ALPK1: variants seen among roughly 807,000 people sequenced by gnomAD.
ALPK1 encodes alpha kinase 1, also known as alpha-protein kinase 1.
ALPK1 carries 110 observed loss-of-function variants against 120.6 expected under a neutral mutation model. The ratio of observed to expected loss-of-function variants is 0.91; its 90% CI spans 0.78 to 1.07. The LOEUF is 1.07. Ranked by LOEUF, ALPK1 falls within the 50% of genes least tolerant of loss-of-function variation. The probability of loss-of-function intolerance (pLI) is 0.00; values close to 1 mark genes in which losing one functional copy is unlikely to be tolerated. For synonymous variants in ALPK1, 582 were observed against 560.3 expected (o/e 1.04, Z -0.55); for missense variants, 1,498 against 1,483.9 (o/e 1.01, Z -0.16).
intron 2 of ALPK1, among the ~76,000 whole-genome samples, chr4:112,365,958 AG>A (rs1731131760): frequency 6.6e-6 from 1 of 152,214 alleles, no homozygotes; most frequent in South Asian, 2.1e-4. Context: ...TAGTGGGGAA[AG>A]GACACCCTAT....
At chr4:112,386,724 A>G (rs760565506) in intron 4 of ALPK1, among the ~76,000 whole-genome samples, 4 of 152,194 alleles carry the variant, frequency 2.6e-5, no homozygotes, top group Admixed American at 6.5e-5. Flanking sequence ...TCGGTAATTT[A>G]TATTCCAGCA....
In ALPK1 at chr4:112,426,554, T is replaced by A; in HGVS notation, c.699+11T>A. 1 of 1,536,132 alleles carries A rather than the reference T, an allele frequency of 6.5e-7. No individual in the cohort carries two copies. The highest frequency in any genetic ancestry group is 8.7e-7 in the Non-Finnish European group (1 of 1,146,296). ...CAGCCGGATAAAAAGGTGGTTTGTC[T>A]AGTGCTTCTTTTTCTCCTTTCCTGT... On this transcript the variant is annotated intron_variant, in intron 8 of 15. Transcript: ENST00000650871.
chr4:112,381,400 G>A (rs1731898051), intron 3 of ALPK1, among the ~76,000 whole-genome samples: 1 of 152,224 alleles, frequency 6.6e-6, no homozygotes, highest in Non-Finnish European at 1.5e-5. Context: ...TTGAGCATGA[G>A]AGGCTTGCAA....
At chr4:112,348,918 C>T (rs550132167) in intron 2 of ALPK1, among the ~76,000 whole-genome samples, 1 of 152,346 alleles carries the variant, frequency 6.6e-6, no homozygotes, top group South Asian at 2.1e-4. Context: ...GTGTTTCTGT[C>T]TGATCTGTAA....
chr4:112,331,864 T>C (rs1456107992), intron 2 of ALPK1, among the ~76,000 whole-genome samples: 3 of 152,222 alleles, frequency 2.0e-5, no homozygotes, highest in Non-Finnish European at 2.9e-5. Context: ...CATTTTCAAA[T>C]AGGTCAATCA....
chr4:112,339,796 T>C (rs1464039170), intron 2 of ALPK1, among the ~76,000 whole-genome samples: 1 of 152,212 alleles, frequency 6.6e-6, no homozygotes, highest in Non-Finnish European at 1.5e-5. Context: ...CCTGCAAAAC[T>C]GTGACATCAC....
At chr4:112,410,745 T>A (rs566364772) in intron 4 of ALPK1, among the ~76,000 whole-genome samples, 83 of 152,370 alleles carry the variant, frequency 5.4e-4, no homozygotes, top group African/African-American at 2.0e-3. Flanking sequence ...ATGATGTTTT[T>A]TCATAAAAAT....
At chr4:112,376,133 CA>C (rs1414360709) in intron 2 of ALPK1, among the ~76,000 whole-genome samples, 2 of 152,238 alleles carry the variant, frequency 1.3e-5, no homozygotes, top group East Asian at 1.9e-4. Flanking sequence ...ATCACCATAA[CA>C]GATATAATAA....
At chr4:112,347,533 A>G (rs1730152110) in intron 2 of ALPK1, among the ~76,000 whole-genome samples, 1 of 152,232 alleles carries the variant, frequency 6.6e-6, no homozygotes, top group Non-Finnish European at 1.5e-5. Flanking sequence ...ACTTTCCTAA[A>G]TTTAAGTAAA....
In ALPK1 at chr4:112,356,238, A is replaced by C. The variant is rs1358413304; in HGVS notation, c.-100-21440A>C. On this transcript the variant is annotated intron_variant, in intron 2 of 15. Transcript: ENST00000650871. The stretch of plus-strand genomic sequence containing the variant: ...AAGGTCCTGGAATGTCTGCAGATGA[A>C]TGGCATCCTGGAGAGCCCCGCGGGC... 1.4e-5 allele frequency: 21 copies of C among 1,530,158 alleles called. 1 individual carries two copies. Among genetic ancestry groups the C allele is most frequent in the Non-Finnish European group, 1.8e-5 (20 of 1,104,550 alleles). 94.8% of individuals were successfully genotyped at this position (1,530,158 alleles called of 1,614,324 possible).
intron 2 of ALPK1, among the ~76,000 whole-genome samples, chr4:112,349,701 G>C (rs1730263518): frequency 6.6e-6 from 1 of 151,984 alleles, no homozygotes; most frequent in Admixed American, 6.6e-5. Flanking sequence ...CTACAGGCGT[G>C]TACCACCACG....
At chr4:112,326,769 G>A (rs1729136130) in intron 2 of ALPK1, among the ~76,000 whole-genome samples, 1 of 152,176 alleles carries the variant, frequency 6.6e-6, no homozygotes, top group South Asian at 2.1e-4. Context: ...GCCCCTATGT[G>A]TACGTAAATC....
intron 2 of ALPK1, among the ~76,000 whole-genome samples, chr4:112,365,494 C>T (rs2148719496): frequency 6.6e-6 from 1 of 152,188 alleles, no homozygotes; most frequent in Middle Eastern, 3.4e-3. Context: ...AGGAATATAC[C>T]TAACCAAGGA....
At chr4:112,308,389 C>G (rs1373095020) in intron 1 of ALPK1, among the ~76,000 whole-genome samples, 2 of 152,150 alleles carry the variant, frequency 1.3e-5, no homozygotes, top group Non-Finnish European at 1.5e-5. Flanking sequence ...GTACACCAAT[C>G]AGACATAGAT....
intron 6 of ALPK1, 94 bp downstream of exon 6, chr4:112,424,097 C>T: frequency 8.1e-7 from 1 of 1,234,294 alleles, no homozygotes; most frequent in Non-Finnish European, 1.1e-6. Flanking sequence ...GTTACTATAC[C>T]TTAGATGTTT....
chr4:112,377,450 A>C (rs1328713648), intron 2 of ALPK1, among the ~76,000 whole-genome samples: 1 of 152,176 alleles, frequency 6.6e-6, no homozygotes, highest in African/African-American at 2.4e-5. Flanking sequence ...CACTGTGGAT[A>C]GATAACTGGG....
At chr4:112,412,354 A>G (rs1733522319) in intron 5 of ALPK1, 6 of 510,914 alleles carry the variant, frequency 1.2e-5, no homozygotes, top group Non-Finnish European at 1.5e-5. Context: ...TCTGACCAAG[A>G]GTCTTTAAAA....
At chr4:112,359,702 C>A in intron 2 of ALPK1, 1 of 255,656 alleles carries the variant, frequency 3.9e-6, no homozygotes, top group Non-Finnish European at 7.9e-6. Context: ...GAAGCCAGTC[C>A]CCTGGACTTT....
intron 2 of ALPK1, among the ~76,000 whole-genome samples, chr4:112,330,096 T>C (rs1376554918): frequency 1.3e-5 from 2 of 152,208 alleles, no homozygotes; most frequent in African/African-American, 4.8e-5. Flanking sequence ...AGAGAGCAGC[T>C]TGGGTCCTGG....
Sources: gnomAD v4.1 joint callset for allele counts (sites outside exome capture counted in the v4.1 genomes callset) on GRCh38, gnomAD v4.1.1 for gene constraint, MANE v1.5 for transcripts, NCBI Gene and HGNC (gene_info 2026-07-23, HGNC 2026-07-21) for gene names.